Variants in PMEPA1 observed in about 807,000 individuals in gnomAD.
PMEPA1 encodes prostate transmembrane protein, androgen induced 1.
A neutral mutation model predicts 23.0 loss-of-function variants in PMEPA1; 11 were observed. That is an observed-to-expected ratio of 0.48 (90% CI 0.30 to 0.79). The LOEUF (loss-of-function observed/expected upper bound fraction) is 0.79. PMEPA1 is among the 30% of genes least tolerant of loss of function. The pLI is 0.06. For synonymous variants in PMEPA1, 204 were observed against 166.4 expected (o/e 1.23, Z -1.74); for missense variants, 377 against 390.9 (o/e 0.96, Z 0.30).
At chr20:57,670,823 C>T (rs925393233) in intron 1 of PMEPA1, among the ~76,000 whole-genome samples, 3 of 152,128 alleles carry the variant, frequency 2.0e-5, no homozygotes, top group Admixed American at 2.0e-4. Context: ...TTTATACCAC[C>T]CAGAGAGAAC....
At chr20:57,665,099 G>T (rs1385564629) in intron 1 of PMEPA1, among the ~76,000 whole-genome samples, 1 of 152,208 alleles carries the variant, frequency 6.6e-6, no homozygotes, top group Non-Finnish European at 1.5e-5. Context: ...GGCCACAGGG[G>T]ACAGAGCAGG....
chr20:57,707,481 G>C (rs1202688883), intron 1 of PMEPA1, among the ~76,000 whole-genome samples: 1 of 152,180 alleles, frequency 6.6e-6, no homozygotes, highest in Non-Finnish European at 1.5e-5. Flanking sequence ...AACAGGCTAG[G>C]GTTCCAGGTA....
intron 1 of PMEPA1, among the ~76,000 whole-genome samples, chr20:57,666,073 T>C (rs2071488356): frequency 6.6e-6 from 1 of 152,126 alleles, no homozygotes; most frequent in Admixed American, 6.5e-5. Flanking sequence ...GGGTGATGAA[T>C]GCAGCAGGCT....
Position 57,683,158 on chromosome 20 carries a change from C to T in PMEPA1, c.110-23461G>A, listed in dbSNP as rs1033766927. Among the ~76,000 whole-genome samples the T allele has an allele frequency of 6.6e-6, 1 of 152,136 alleles. No homozygotes were observed. Among genetic ancestry groups the T allele is most frequent in the Non-Finnish European group, 1.5e-5 (1 of 68,018 alleles). On this transcript the variant is annotated intron_variant, in intron 1 of 3. Coordinates refer to ENST00000341744, the MANE Select transcript of PMEPA1 (RefSeq NM_020182.5). This position sits in a 1 kb window ranked among gnomAD's most constrained non-coding sequence, Gnocchi z 4.3. ...TGCTCACGTTAGAGGGCACGGATAT[C>T]CCCCACTGCTTTTTAAAAAGAAAAA...
chr20:57,673,522 G>A (rs1181796279), intron 1 of PMEPA1, among the ~76,000 whole-genome samples: 2 of 152,172 alleles, frequency 1.3e-5, no homozygotes, highest in Non-Finnish European at 2.9e-5. Context: ...CCGGCATGCA[G>A]GAGTCCAGTC....
intron 1 of PMEPA1, chr20:57,690,573 C>T (rs1192295679): frequency 7.9e-7 from 1 of 1,262,338 alleles, no homozygotes; most frequent in Non-Finnish European, 1.0e-6. Context: ...GTCTCCATTG[C>T]TATGGCGGGT....
intron 1 of PMEPA1, among the ~76,000 whole-genome samples, chr20:57,707,218 GCTTTTTTCCTTT>G (rs2072101998): frequency 6.6e-6 from 1 of 152,070 alleles, no homozygotes; most frequent in African/African-American, 2.4e-5. Flanking sequence ...CCAAATACTA[GCTTTTTTCCTTT>G]CTTTTTTCCT....
At chr20:57,703,134 G>T (rs1286567449) in intron 1 of PMEPA1, among the ~76,000 whole-genome samples, 2 of 152,252 alleles carry the variant, frequency 1.3e-5, no homozygotes, top group African/African-American at 4.8e-5. Context: ...ACTCGGCACT[G>T]TCACAGCTTC....
chr20:57,652,190 A>T lies in PMEPA1; in HGVS notation c.727T>A (p.Ser243Thr), dbSNP rs780680241. 6.2e-7 allele frequency: 1 copy of T among 1,609,838 alleles called. No homozygotes were observed. The highest frequency in any genetic ancestry group is 1.1e-5 in the South Asian group (1 of 90,642). The part of the protein sequence containing the change: ...SEVIGHYPGS[S>T]FQHQQSSGPP... ...CCACTGCTCTGCTGGTGCTGGAAGG[A>T]GGACCCCGGGTAGTGGCCGATGACC... Residue 243 changes from serine (S) to threonine (T), a missense_variant, in exon 4 of 4, where the codon TCC (serine) becomes ACC (threonine). By Grantham distance (58) the Ser-to-Thr change is moderately conservative. Coordinates refer to ENST00000341744, the MANE Select transcript of PMEPA1 (RefSeq NM_020182.5). The surrounding 1 kb of genome is among the most constrained non-coding windows in gnomAD (Gnocchi z 6.1).
At chr20:57,681,564 T>G (rs2146682041) in intron 1 of PMEPA1, among the ~76,000 whole-genome samples, 1 of 152,292 alleles carries the variant, frequency 6.6e-6, no homozygotes, top group Non-Finnish European at 1.5e-5. Flanking sequence ...CTGCTTAAAA[T>G]AACCAACTTT....
intron 1 of PMEPA1, among the ~76,000 whole-genome samples, chr20:57,666,728 C>T (rs1451572962): frequency 2.6e-5 from 4 of 152,160 alleles, no homozygotes; most frequent in Admixed American, 6.5e-5. Flanking sequence ...AAAATCCGGA[C>T]GGTGAGGAAG....
In PMEPA1 at chr20:57,656,215, A is replaced by C. The variant is rs1418088485; in HGVS notation, c.265-3129T>G. Among the ~76,000 whole-genome samples, 1 of 150,300 alleles carries C rather than the reference A, an allele frequency of 6.7e-6. No homozygotes were observed. The highest frequency in any genetic ancestry group is 2.4e-5 in the African/African-American group (1 of 41,180). ...GAGATACTGAATTCCCCCACAGCCCAGCACAAGGGGCCTGGGGGAATTCGG... is the reference window on the plus strand; with the variant it reads ...GAGATACTGAATTCCCCCACAGCCCCGCACAAGGGGCCTGGGGGAATTCGG... On this transcript the variant is annotated intron_variant, in intron 2 of 3. Coordinates refer to ENST00000341744, the MANE Select transcript of PMEPA1 (RefSeq NM_020182.5). The surrounding 1 kb of genome is among the most constrained non-coding windows in gnomAD (Gnocchi z 4.7).
chr20:57,696,312 C>A (rs984683675), intron 1 of PMEPA1, among the ~76,000 whole-genome samples: 4 of 152,160 alleles, frequency 2.6e-5, no homozygotes, highest in African/African-American at 7.2e-5. Flanking sequence ...CCTGGGCGCC[C>A]CTGGGGCTCC....
At chr20:57,670,988 G>A (rs1376674811) in intron 1 of PMEPA1, among the ~76,000 whole-genome samples, 3 of 152,134 alleles carry the variant, frequency 2.0e-5, no homozygotes. Context: ...CCGTGGGTGA[G>A]CCCTGCGTCT....
In PMEPA1 at chr20:57,650,989, G is replaced by C. The variant is rs1423866619; in HGVS notation, c.*1064C>G. On this transcript the variant is annotated 3_prime_UTR_variant, in exon 4 of 4. Transcript: ENST00000341744. ...GGTAGCCCGGGCACCAGCCGCTGCG[G>C]CTTGTGAGGGGCACCATGCTCCACC... The C allele has an allele frequency of 2.0e-5, 3 of 152,364 alleles. No individual in the cohort carries two copies. The East Asian group carries it at 5.8e-4, about 29-fold the overall frequency. 9.4% of individuals were successfully genotyped at this position (152,364 alleles called of 1,614,324 possible). A position where few individuals can be genotyped will look rare whatever the true frequency, so the allele number is the denominator to read the frequency against.
At chr20:57,684,215 T>C (rs2071767816) in intron 1 of PMEPA1, among the ~76,000 whole-genome samples, 1 of 147,630 alleles carries the variant, frequency 6.8e-6, no homozygotes, top group African/African-American at 2.5e-5. Flanking sequence ...GGGAGGCGGG[T>C]GGAAATTTAT....
chr20:57,663,294 G>A (rs895635474), intron 1 of PMEPA1, among the ~76,000 whole-genome samples: 5 of 152,184 alleles, frequency 3.3e-5, no homozygotes, highest in African/African-American at 1.2e-4. Flanking sequence ...TACGGCTCAG[G>A]AGCACCCTGG....
At chr20:57,686,821 C>G (rs970803499) in intron 1 of PMEPA1, among the ~76,000 whole-genome samples, 21 of 152,192 alleles carry the variant, frequency 1.4e-4, no homozygotes, top group Non-Finnish European at 2.9e-4. Flanking sequence ...GTGAACACCC[C>G]ACAAACAAAA....
At chr20:57,665,111 G>A (rs1310432572) in intron 1 of PMEPA1, among the ~76,000 whole-genome samples, 1 of 152,188 alleles carries the variant, frequency 6.6e-6, no homozygotes, top group African/African-American at 2.4e-5. Flanking sequence ...CAGAGCAGGA[G>A]AGGGCACACC....
Sources: gnomAD v4.1 joint callset for allele counts (sites outside exome capture counted in the v4.1 genomes callset) on GRCh38, gnomAD v4.1.1 for gene constraint, Gnocchi (gnomAD v3.1) non-coding constraint, MANE v1.5 for transcripts, NCBI Gene and HGNC (gene_info 2026-07-23, HGNC 2026-07-21) for gene names.